KCNQ5: variants seen among roughly 807,000 people sequenced by gnomAD.
The protein encoded by KCNQ5 is potassium voltage-gated channel subfamily KQT member 5.
A neutral mutation model predicts 98.2 loss-of-function variants in KCNQ5; 30 were observed. The ratio of observed to expected loss-of-function variants is 0.31; its 90% CI spans 0.23 to 0.41. The LOEUF (loss-of-function observed/expected upper bound fraction) is 0.41. Ranked by LOEUF, KCNQ5 falls within the 10% of genes least tolerant of loss-of-function variation. The probability of loss-of-function intolerance (pLI) is 1.00; values close to 1 mark genes in which losing one functional copy is unlikely to be tolerated. For synonymous variants in KCNQ5, 458 were observed against 449.4 expected (o/e 1.02, Z -0.24); for missense variants, 835 against 1,182.5 (o/e 0.71, Z 4.31).
intron 1 of KCNQ5, among the ~76,000 whole-genome samples, chr6:72,836,630 G>T (rs1776516481): frequency 6.6e-6 from 1 of 151,344 alleles, no homozygotes; most frequent in East Asian, 1.9e-4. Flanking sequence ...TAGAGACAGG[G>T]TCTCACTGTT....
chr6:73,110,657 C>A lies in KCNQ5; in HGVS notation c.1030-651C>A, dbSNP rs189333162. 3.3e-5 allele frequency among the ~76,000 whole-genome samples: 5 copies of A among 152,248 alleles called. No homozygotes were observed. In the South Asian group the frequency reaches 8.3e-4, roughly 25 times the overall value. On this transcript the variant is annotated intron_variant, in intron 6 of 13. Transcript: ENST00000370398. Reference sequence around the variant, plus strand: ...GTGTACAAATGGGCAAAATAGAAAACCTTCTACTCTATATCTTCAAAACTG... The same window carrying A: ...GTGTACAAATGGGCAAAATAGAAAAACTTCTACTCTATATCTTCAAAACTG...
At chr6:72,643,140 GA>G (rs577156969) in intron 1 of KCNQ5, among the ~76,000 whole-genome samples, 1 of 151,994 alleles carries the variant, frequency 6.6e-6, no homozygotes, top group African/African-American at 2.4e-5. Flanking sequence ...GAGAGGAACA[GA>G]AAAAATAACT....
At position 72,868,218 on chromosome 6, in the gene KCNQ5, T is replaced by TA. The variant is rs1015649593; in HGVS notation, c.399-135683dup. ...AGGCTGTGGTATGCAGAGTTTCTTT[T>TA]AAAAAAATTGATCTGTTTAGAAGAG... On this transcript the variant is annotated intron_variant, in intron 1 of 13. Transcript: ENST00000370398. 1.8e-4 allele frequency among the ~76,000 whole-genome samples: 28 copies of TA among 152,242 alleles called. No individual in the cohort carries two copies. The Middle Eastern group carries it at 0.01, about 55-fold the overall frequency.
rs371357006 is a variant in KCNQ5, at chr6:73,095,549, G to A, written c.919-9708G>A. Among the ~76,000 whole-genome samples the A allele has an allele frequency of 1.9e-3, 292 of 152,248 alleles. 1 individual carries two copies. The highest frequency in any genetic ancestry group is 6.5e-3 in the African/African-American group (269 of 41,554). ...TTTCTGGTTCCTTCTTATTTGGGTA[G>A]GCTCTGTCAGAGGGAAGATCTAGGG... On this transcript the variant is annotated intron_variant, in intron 5 of 13. Coordinates refer to ENST00000370398, the MANE Select transcript of KCNQ5 (RefSeq NM_019842.4).
intron 2 of KCNQ5, among the ~76,000 whole-genome samples, chr6:73,026,483 C>T (rs1322361912): frequency 1.3e-5 from 2 of 152,146 alleles, no homozygotes; most frequent in Non-Finnish European, 2.9e-5. Flanking sequence ...GCCTACCCTG[C>T]TCCTATTTAA....
At chr6:73,111,590 T>G (rs1775242669) in intron 7 of KCNQ5, among the ~76,000 whole-genome samples, 187 bp downstream of exon 7, 1 of 152,224 alleles carries the variant, frequency 6.6e-6, no homozygotes, top group South Asian at 2.1e-4. Flanking sequence ...TCTCCCAAAC[T>G]GAAACACATG....
intron 3 of KCNQ5, among the ~76,000 whole-genome samples, chr6:73,058,542 A>G (rs910936153): frequency 1.3e-5 from 2 of 152,246 alleles, no homozygotes; most frequent in African/African-American, 2.4e-5. Flanking sequence ...AAATTGACTA[A>G]TTTTGTCAAT....
chr6:72,877,053 T>A (rs370120216), intron 1 of KCNQ5, among the ~76,000 whole-genome samples: 37 of 152,264 alleles, frequency 2.4e-4, no homozygotes, highest in African/African-American at 2.6e-4. Flanking sequence ...CATTTTTTTT[T>A]AATTTTGTTT....
chr6:72,911,804 A>G (rs138114712), intron 1 of KCNQ5, among the ~76,000 whole-genome samples: 64 of 152,238 alleles, frequency 4.2e-4, no homozygotes, highest in Non-Finnish European at 9.1e-4. Context: ...CGGAGTAAAG[A>G]CAAAGTTTTT....
At chr6:72,950,167 G>A (rs1766732595) in intron 1 of KCNQ5, among the ~76,000 whole-genome samples, 1 of 152,184 alleles carries the variant, frequency 6.6e-6, no homozygotes, top group South Asian at 2.1e-4. Flanking sequence ...AATTTTGCCT[G>A]CTAGAAGTTT....
intron 2 of KCNQ5, among the ~76,000 whole-genome samples, chr6:73,019,890 C>T (rs1770512823): frequency 6.6e-6 from 1 of 152,084 alleles, no homozygotes; most frequent in South Asian, 2.1e-4. Context: ...GTGCATAGCA[C>T]CTATAACATT....
intron 2 of KCNQ5, among the ~76,000 whole-genome samples, chr6:73,005,738 A>G (rs1451981585): frequency 6.6e-6 from 1 of 152,230 alleles, no homozygotes; most frequent in Non-Finnish European, 1.5e-5. Flanking sequence ...AGCAAGGTGG[A>G]AATGAGTTCC....
intron 1 of KCNQ5, among the ~76,000 whole-genome samples, chr6:72,877,622 A>C (rs1433112051): frequency 2.0e-5 from 3 of 152,164 alleles, no homozygotes; most frequent in Admixed American, 6.5e-5. Context: ...CTGGTTCTAG[A>C]TCCTTGAAGA....
At chr6:72,679,227 A>G (rs937403467) in intron 1 of KCNQ5, among the ~76,000 whole-genome samples, 5 of 152,194 alleles carry the variant, frequency 3.3e-5, no homozygotes, top group Non-Finnish European at 5.9e-5. Context: ...TACAGGGTAT[A>G]TACCCAAAGG....
intron 1 of KCNQ5, among the ~76,000 whole-genome samples, chr6:72,802,137 GGC>G (rs1216438384): frequency 6.6e-6 from 1 of 151,962 alleles, no homozygotes; most frequent in African/African-American, 2.4e-5. Context: ...GTATCTTTGT[GGC>G]GTTCTCTGTA....
intron 1 of KCNQ5, among the ~76,000 whole-genome samples, chr6:72,730,761 T>G (rs1468781117): frequency 1.3e-5 from 2 of 152,176 alleles, no homozygotes; most frequent in African/African-American, 4.8e-5. Flanking sequence ...TTCATTACAC[T>G]TTTTTCAGAA....
At chr6:72,926,695 A>T (rs1211715741) in intron 1 of KCNQ5, among the ~76,000 whole-genome samples, 2 of 152,180 alleles carry the variant, frequency 1.3e-5, no homozygotes, top group Non-Finnish European at 1.5e-5. Flanking sequence ...AAATCTGTTC[A>T]ATTAGTTCTT....
At chr6:73,129,991 C>G (rs75503919) in intron 9 of KCNQ5, 1 of 651,566 alleles carries the variant, frequency 1.5e-6, no homozygotes, top group African/African-American at 1.8e-5. Context: ...GGTTTTCAAC[C>G]CGCTTGAAAT....
At chr6:73,121,221 C>T (rs1014221980) in intron 8 of KCNQ5, among the ~76,000 whole-genome samples, 1 of 151,892 alleles carries the variant, frequency 6.6e-6, no homozygotes, top group East Asian at 1.9e-4. Flanking sequence ...CTCAGCCATG[C>T]CTAAACTCAA....
Sources: allele counts gnomAD v4.1 joint callset (sites outside exome capture counted in the v4.1 genomes callset), GRCh38; gene constraint gnomAD v4.1.1; transcripts MANE v1.5; gene names NCBI Gene and HGNC (gene_info 2026-07-23, HGNC 2026-07-21).